ZC3H12B: variants seen among roughly 807,000 people sequenced by gnomAD.
The protein encoded by ZC3H12B is probable ribonuclease ZC3H12B.
A neutral mutation model predicts 43.9 loss-of-function variants in ZC3H12B; 7 were observed. That is an observed-to-expected ratio of 0.16 (90% CI 0.09 to 0.30). The LOEUF is 0.30. Among genes scored for constraint, ZC3H12B ranks in the 10% least tolerant of loss-of-function variants. The pLI, the probability that ZC3H12B is intolerant of heterozygous loss-of-function variation, is 1.00. For synonymous variants in ZC3H12B, 222 were observed against 241.7 expected (o/e 0.92, Z 0.76); for missense variants, 475 against 670.2 (o/e 0.71, Z 3.22).
chrX:65,474,613 TA>T (rs1381232923), intron 3 of ZC3H12B, among the ~76,000 whole-genome samples: 2 of 111,307 alleles, frequency 1.8e-5, no homozygotes, highest in Non-Finnish European at 3.8e-5. Context: ...TTCTTCCATA[TA>T]TTTTTTTTTT....
At chrX:65,339,832 T>C in the ZC3H12B span, among the ~76,000 whole-genome samples, 1 of 111,891 alleles carries the variant, frequency 8.9e-6, no homozygotes, top group African/African-American at 3.3e-5. Context: ...CCACTTCCTC[T>C]CTACACTACA....
chrX:65,445,222 G>A (rs190453723), intron 3 of ZC3H12B, among the ~76,000 whole-genome samples: 3 of 112,238 alleles, frequency 2.7e-5, no homozygotes, highest in East Asian at 5.6e-4. Context: ...GCCTTATTTA[G>A]CTCATTTGGT....
chrX:65,414,526 G>A (rs764461584), intron 3 of ZC3H12B, among the ~76,000 whole-genome samples: 1 of 111,467 alleles, frequency 9.0e-6, no homozygotes, highest in South Asian at 3.8e-4. Context: ...GAAGGGGGAA[G>A]AAGATATATT....
chrX:65,108,456 A>T, the ZC3H12B span, among the ~76,000 whole-genome samples: 1 of 109,746 alleles, frequency 9.1e-6, no homozygotes, highest in Non-Finnish European at 1.9e-5. Flanking sequence ...GAAGACACAC[A>T]CACATTAGCG....
chrX:65,247,493 C>T, the ZC3H12B span, among the ~76,000 whole-genome samples: 3 of 112,460 alleles, frequency 2.7e-5, no homozygotes, highest in Admixed American at 2.8e-4. Context: ...AACCTAAATG[C>T]CTATCAATGT....
the ZC3H12B span, among the ~76,000 whole-genome samples, chrX:65,176,732 G>A: frequency 3.6e-5 from 4 of 111,832 alleles, no homozygotes; most frequent in African/African-American, 9.7e-5. Flanking sequence ...AAACCAGGAA[G>A]AGGTCAAATC....
the ZC3H12B span, among the ~76,000 whole-genome samples, chrX:65,353,016 TTGTGTGTGTGTG>T: frequency 4.8e-5 from 5 of 105,097 alleles, no homozygotes; most frequent in Admixed American, 3.1e-4. Flanking sequence ...CCCAGCTAAT[TTGTGTGTGTGTG>T]TGTGTGTGTG....
chrX:65,419,187 C>A (rs1392998703), intron 3 of ZC3H12B, among the ~76,000 whole-genome samples: 1 of 111,854 alleles, frequency 8.9e-6, no homozygotes, highest in African/African-American at 3.3e-5. Context: ...GTAGAATCCC[C>A]ACATCAGTTC....
the ZC3H12B span, among the ~76,000 whole-genome samples, chrX:65,283,583 TC>T: frequency 8.9e-6 from 1 of 111,962 alleles, no homozygotes; most frequent in Non-Finnish European, 1.9e-5. Context: ...CCCCATCATC[TC>T]AGTCCAAAAT....
At chrX:65,199,343 T>G in the ZC3H12B span, among the ~76,000 whole-genome samples, 1 of 109,392 alleles carries the variant, frequency 9.1e-6, no homozygotes, top group Admixed American at 1.0e-4. Flanking sequence ...CTTTTAAATA[T>G]TTCAATCTCT....
chrX:65,211,070 TAAAA>T, the ZC3H12B span, among the ~76,000 whole-genome samples: 2 of 28,228 alleles, frequency 7.1e-5, no homozygotes, highest in Non-Finnish European at 1.6e-4. Flanking sequence ...TAGAGTATAA[TAAAA>T]AAAAAAAAAG....
chrX:65,412,344 C>CT lies in ZC3H12B; in HGVS notation n.407+13645dup, dbSNP rs370787172. ...TATAGCATGTGTCAGTACTTCATTC[C>CT]TTTTTATGTCTGAGTAATATTCATT... On this transcript the variant is annotated intron_variant and non_coding_transcript_variant, in intron 3 of 5. Coordinates refer to the ZC3H12B transcript ENST00000617377. Among the ~76,000 whole-genome samples the CT allele has an allele frequency of 3.8e-3, 425 of 112,145 alleles. 4 individuals carry two copies. The highest frequency in any genetic ancestry group is 0.013 in the African/African-American group (399 of 30,893).
the ZC3H12B span, among the ~76,000 whole-genome samples, chrX:65,270,580 A>G: frequency 9.0e-6 from 1 of 111,607 alleles, no homozygotes; most frequent in Non-Finnish European, 1.9e-5. Flanking sequence ...AGAATAATCA[A>G]CACAATAAAA....
chrX:65,302,635 G>C, the ZC3H12B span, among the ~76,000 whole-genome samples: 1 of 111,883 alleles, frequency 8.9e-6, no homozygotes, highest in Non-Finnish European at 1.9e-5. Flanking sequence ...CCAGGAAGTT[G>C]TTTTATGAAT....
chrX:65,338,846 G>A, the ZC3H12B span, among the ~76,000 whole-genome samples: 23 of 111,643 alleles, frequency 2.1e-4, no homozygotes, highest in African/African-American at 6.2e-4. Flanking sequence ...AACAAAATTG[G>A]CGTTGAAGGA....
At chrX:65,359,687 G>T in the ZC3H12B span, among the ~76,000 whole-genome samples, 2 of 112,509 alleles carry the variant, frequency 1.8e-5, no homozygotes, top group African/African-American at 3.2e-5. Flanking sequence ...TATGAGCAAA[G>T]AAAGCAGTTT....
the ZC3H12B span, among the ~76,000 whole-genome samples, chrX:65,191,933 C>T: frequency 1.9e-5 from 2 of 104,096 alleles, no homozygotes; most frequent in African/African-American, 3.5e-5. Context: ...CTCTTGTGGG[C>T]ATTTAGTGCT....
chrX:65,172,413 G>A, the ZC3H12B span, among the ~76,000 whole-genome samples: 1 of 111,926 alleles, frequency 8.9e-6, no homozygotes, highest in Non-Finnish European at 1.9e-5. Flanking sequence ...CCTTTGCTGA[G>A]GAGAAGTGCT....
chrX:65,213,105 T>A, the ZC3H12B span, among the ~76,000 whole-genome samples: 1 of 109,655 alleles, frequency 9.1e-6, no homozygotes, highest in African/African-American at 3.3e-5. Context: ...TATGTGTGAA[T>A]CCTTGTAAAT....
Sources: gnomAD v4.1 joint callset for allele counts (sites outside exome capture counted in the v4.1 genomes callset) on GRCh38, gnomAD v4.1.1 for gene constraint, MANE v1.5 for transcripts, NCBI Gene and HGNC (gene_info 2026-07-23, HGNC 2026-07-21) for gene names.